Variants in SWAP70 observed in about 807,000 individuals in gnomAD.
SWAP70 encodes the protein switching B cell complex subunit SWAP70.
Under a neutral mutation model 80.2 loss-of-function variants are expected in SWAP70, and 34 were observed. That is an observed-to-expected ratio of 0.42 (90% CI 0.32 to 0.56). The LOEUF is 0.56. Among genes scored for constraint, SWAP70 ranks in the 20% least tolerant of loss-of-function variants. The probability of loss-of-function intolerance (pLI) is 0.09; values close to 1 mark genes in which losing one functional copy is unlikely to be tolerated. For missense variants in SWAP70, 578 were observed against 690.7 expected (o/e 0.84, Z 1.83); for synonymous variants, 239 against 238.5 (o/e 1.00, Z -0.02).
intron 1 of SWAP70, among the ~76,000 whole-genome samples, chr11:9,684,678 AAAGTGATCTGAAC>A (rs1850609103): frequency 1.3e-5 from 2 of 152,306 alleles, no homozygotes; most frequent in Non-Finnish European, 2.9e-5. Context: ...TTTCACTCTG[AAAGTGATCTGAAC>A]TAGAGATTCC....
chr11:9,672,334 G>A (rs1380145217), intron 1 of SWAP70, among the ~76,000 whole-genome samples: 1 of 146,736 alleles, frequency 6.8e-6, no homozygotes, highest in African/African-American at 2.5e-5. Flanking sequence ...CATCATCTTT[G>A]GAATAAATGT....
intron 2 of SWAP70, among the ~76,000 whole-genome samples, chr11:9,711,599 A>T (rs1042999149): frequency 5.3e-5 from 8 of 152,114 alleles, no homozygotes; most frequent in Non-Finnish European, 1.0e-4. Flanking sequence ...TTGAATCTGC[A>T]GTGAGTGACG....
At chr11:9,694,100 G>C in intron 1 of SWAP70, 46 bp from the exon 2 acceptor site, 1 of 1,533,542 alleles carries the variant, frequency 6.5e-7, no homozygotes, top group Non-Finnish European at 8.8e-7. Flanking sequence ...AAGGTGTCAT[G>C]TGCTGGTTAG....
intron 2 of SWAP70, among the ~76,000 whole-genome samples, chr11:9,701,857 G>C (rs906266654): frequency 1.3e-5 from 2 of 152,114 alleles, no homozygotes; most frequent in Non-Finnish European, 2.9e-5. Context: ...ATTCTTCCAT[G>C]AGATTTAATG....
In SWAP70 at chr11:9,752,971, T is replaced by A. The variant is rs999758906; in HGVS notation, c.*3001T>A. The A allele has an allele frequency of 1.3e-5, 2 of 152,206 alleles. No homozygotes were observed. The highest frequency in any genetic ancestry group is 2.9e-5 in the Non-Finnish European group (2 of 68,042). The allele number at this position is 152,206 out of a possible 1,614,324, so 9.4% of individuals were successfully genotyped here. A position where few individuals can be genotyped will look rare whatever the true frequency, so the allele number is the denominator to read the frequency against. The stretch of plus-strand genomic sequence containing the variant: ...GAACATACACTTTAAACTGTCTGAT[T>A]TAATAAAACAGTGGGGGGTAAAGTT... On this transcript the variant is annotated 3_prime_UTR_variant, in exon 12 of 12. Coordinates refer to ENST00000318950, the MANE Select transcript of SWAP70 (RefSeq NM_015055.4).
intron 2 of SWAP70, among the ~76,000 whole-genome samples, chr11:9,696,251 G>A (rs907224836): frequency 6.6e-6 from 1 of 151,962 alleles, no homozygotes; most frequent in African/African-American, 2.4e-5. Flanking sequence ...CCCTTGGGTT[G>A]GATCATTACA....
rs1253648951 is a variant in SWAP70, at chr11:9,750,447, T to C, written c.*477T>C. ...GGTCAGTATCCTAAGGAAGCCTTCT[T>C]ATTTATCTTCCTGCAAACAAGGGTT... is the stretch of plus-strand genomic sequence containing the variant. On this transcript the variant is annotated 3_prime_UTR_variant, in exon 12 of 12. Coordinates refer to ENST00000318950, the MANE Select transcript of SWAP70 (RefSeq NM_015055.4). 1 of 152,220 alleles carries C rather than the reference T, an allele frequency of 6.6e-6. No homozygotes were observed. The highest frequency in any genetic ancestry group is 1.5e-5 in the Non-Finnish European group (1 of 68,062). 9.4% of individuals were successfully genotyped at this position (152,220 alleles called of 1,614,324 possible).
intron 3 of SWAP70, among the ~76,000 whole-genome samples, chr11:9,724,381 C>A (rs1405915430): frequency 6.6e-6 from 1 of 152,188 alleles, no homozygotes; most frequent in African/African-American, 2.4e-5. Context: ...TGTATGCTGT[C>A]ATATATCTGC....
intron 1 of SWAP70, among the ~76,000 whole-genome samples, chr11:9,674,761 G>A (rs1399763255): frequency 6.6e-6 from 1 of 151,388 alleles, no homozygotes. Flanking sequence ...TCAGGAGATG[G>A]AGACCATCCT....
chr11:9,717,196 A>G (rs1001805131), intron 3 of SWAP70, among the ~76,000 whole-genome samples: 6 of 152,198 alleles, frequency 3.9e-5, no homozygotes, highest in Admixed American at 6.5e-5. Context: ...GAAATGAAAA[A>G]TAAAACATGC....
intron 2 of SWAP70, among the ~76,000 whole-genome samples, chr11:9,696,803 T>C (rs554349295): frequency 1.3e-5 from 2 of 152,326 alleles, no homozygotes; most frequent in East Asian, 3.9e-4. Context: ...TGTATACTTC[T>C]AAGTTTTAAA....
chr11:9,676,731 G>C (rs541623001), intron 1 of SWAP70, among the ~76,000 whole-genome samples: 36 of 149,248 alleles, frequency 2.4e-4, no homozygotes, highest in African/African-American at 8.9e-4. Flanking sequence ...CTTACTGCAA[G>C]CTCCGCCTCC....
chr11:9,727,198 G>A (rs543145996), intron 4 of SWAP70, among the ~76,000 whole-genome samples: 5 of 152,172 alleles, frequency 3.3e-5, no homozygotes, highest in East Asian at 3.9e-4. Context: ...AGACCATCTG[G>A]CCAACATGTT....
rs755875966 is a variant in SWAP70 at position 9,749,230 on chromosome 11, T to C, written c.1651+47T>C. 3.9e-6 allele frequency: 4 copies of C among 1,028,000 alleles called. No individual in the cohort carries two copies. In the Admixed American group the frequency reaches 1.1e-4, roughly 29 times the overall value. The allele number at this position is 1,028,000 out of a possible 1,614,324, so 63.7% of individuals were successfully genotyped here. ...TCATATATTTATTTTTATTTTTCATTTTTATTTTATTTAATTAATTTATTT... is the reference window on the plus strand; with the variant it reads ...TCATATATTTATTTTTATTTTTCATCTTTATTTTATTTAATTAATTTATTT... On this transcript the variant is annotated intron_variant, in intron 11 of 11. Transcript: ENST00000318950.
At chr11:9,694,054 AC>A (rs1850725903) in intron 1 of SWAP70, 91 bp from the exon 2 acceptor site, 18 of 1,419,726 alleles carry the variant, frequency 1.3e-5, no homozygotes, top group Non-Finnish European at 1.7e-5. Flanking sequence ...ATCTTTCTCT[AC>A]CCAGGAGAGG....
intron 1 of SWAP70, among the ~76,000 whole-genome samples, chr11:9,668,484 C>A (rs1369243094): frequency 6.6e-6 from 1 of 152,172 alleles, no homozygotes; most frequent in Non-Finnish European, 1.5e-5. Context: ...AATATTTAAA[C>A]ATTTTTATTT....
At chr11:9,701,691 CTTTT>C (rs1163108695) in intron 2 of SWAP70, among the ~76,000 whole-genome samples, 63 of 68,514 alleles carry the variant, frequency 9.2e-4, no homozygotes, top group Middle Eastern at 0.034. Context: ...TTTGTGGGCT[CTTTT>C]TTTTTTTTTT....
At chr11:9,702,119 G>T (rs531665095) in intron 2 of SWAP70, among the ~76,000 whole-genome samples, 4 of 152,002 alleles carry the variant, frequency 2.6e-5, no homozygotes, top group African/African-American at 9.7e-5. Context: ...TCTGCATTCT[G>T]TTTTTCTAGT....
At chr11:9,674,838 G>A (rs958598375) in intron 1 of SWAP70, among the ~76,000 whole-genome samples, 2 of 151,858 alleles carry the variant, frequency 1.3e-5, no homozygotes, top group South Asian at 4.2e-4. Context: ...GCGTGGTGGC[G>A]GGCGGCTGTA....
Sources: allele counts gnomAD v4.1 joint callset (sites outside exome capture counted in the v4.1 genomes callset), GRCh38; gene constraint gnomAD v4.1.1; transcripts MANE v1.5; gene names NCBI Gene and HGNC (gene_info 2026-07-23, HGNC 2026-07-21).